Variants in SDK1 observed in about 807,000 individuals in gnomAD.
SDK1 encodes sidekick cell adhesion molecule 1.
In SDK1, 157 loss-of-function variants were observed where a neutral mutation model predicts 245.5. The observed-to-expected ratio is 0.64, with a 90% CI of 0.56 to 0.73. The LOEUF is 0.73. SDK1 is among the 30% of genes least tolerant of loss of function. The pLI is 0.00. For synonymous variants in SDK1, 1,647 were observed against 1,278.5 expected, an observed-to-expected ratio of 1.29 and a Z score of -6.15; for missense variants, 3,583 against 3,002.3, an observed-to-expected ratio of 1.19 and a Z score of -4.52.
intron 4 of SDK1, among the ~76,000 whole-genome samples, chr7:3,649,955 A>T (rs376178771): frequency 6.6e-6 from 1 of 151,914 alleles, no homozygotes; most frequent in South Asian, 2.1e-4. Flanking sequence ...CTGGGAAGGA[A>T]TCGATTTTAT....
intron 1 of SDK1, among the ~76,000 whole-genome samples, chr7:3,540,127 C>T (rs1329946497): frequency 1.3e-5 from 2 of 152,156 alleles, no homozygotes; most frequent in African/African-American, 4.8e-5. Flanking sequence ...AAGAGGGAGG[C>T]CGGGTGTGGT....
chr7:4,249,638 T>C (rs1302709428), intron 44 of SDK1, among the ~76,000 whole-genome samples: 1 of 152,148 alleles, frequency 6.6e-6, no homozygotes, highest in Non-Finnish European at 1.5e-5. Context: ...ACCTGGACCA[T>C]CCTGTGCTCC....
At chr7:3,336,577 G>C (rs1259767601) in intron 1 of SDK1, among the ~76,000 whole-genome samples, 2 of 152,170 alleles carry the variant, frequency 1.3e-5, no homozygotes, top group Non-Finnish European at 2.9e-5. Context: ...GAGGTATGGA[G>C]GAGCGGAGCA....
At chr7:3,961,240 A>G (rs995644305) in intron 8 of SDK1, among the ~76,000 whole-genome samples, 9 of 152,264 alleles carry the variant, frequency 5.9e-5, no homozygotes, top group Non-Finnish European at 1.0e-4. Flanking sequence ...TGTAACTGCT[A>G]TTATGAGATA....
chr7:3,707,362 A>C (rs1394086454), intron 4 of SDK1, among the ~76,000 whole-genome samples: 1 of 152,226 alleles, frequency 6.6e-6, no homozygotes, highest in African/African-American at 2.4e-5. Flanking sequence ...GTAGTTTTCA[A>C]GGTTCCTTTT....
In SDK1 at chr7:4,194,396, A is replaced by C. The variant is rs577737050; in HGVS notation, c.5099-11483A>C. ...TACATGTATGTGTATACATGTATAC[A>C]TATATGTATGCACATATGTGTATAC... is the stretch of plus-strand genomic sequence containing the variant. On this transcript the variant is annotated intron_variant, in intron 35 of 44. Coordinates refer to ENST00000404826, the MANE Select transcript of SDK1 (RefSeq NM_152744.4). Among the ~76,000 whole-genome samples, 3 of 110,814 alleles carry C rather than the reference A, an allele frequency of 2.7e-5. 1 individual carries two copies. The highest frequency in any genetic ancestry group is 4.0e-5 in the Non-Finnish European group (2 of 50,106). The allele number at this position is 110,814 out of a possible 152,430, so 72.7% of individuals were successfully genotyped here. A position where few individuals can be genotyped will look rare whatever the true frequency, so the allele number is the denominator to read the frequency against.
At chr7:3,402,274 T>A (rs182326870) in intron 1 of SDK1, among the ~76,000 whole-genome samples, 1 of 152,156 alleles carries the variant, frequency 6.6e-6, no homozygotes, top group African/African-American at 2.4e-5. Flanking sequence ...ATGAATGATA[T>A]CTGTTATAAA....
rs138736483 is a variant in SDK1, at chr7:4,093,914, C to T, written c.3324+14330C>T. On this transcript the variant is annotated intron_variant, in intron 22 of 44. Transcript: ENST00000404826. ...CACGTCCTTGGTCCAAAGCCTCTTGCGATACACCTCTCCCAGAGGTGAATC... is the reference window on the plus strand; with the variant it reads ...CACGTCCTTGGTCCAAAGCCTCTTGTGATACACCTCTCCCAGAGGTGAATC... Among the ~76,000 whole-genome samples the T allele has an allele frequency of 8.6e-3, 1,312 of 152,236 alleles. 23 individuals are homozygous for T. The highest frequency in any genetic ancestry group is 0.029 in the African/African-American group (1,209 of 41,552).
chr7:4,242,614 C>A (rs558123853), intron 43 of SDK1, among the ~76,000 whole-genome samples: 88 of 152,250 alleles, frequency 5.8e-4, no homozygotes, highest in Non-Finnish European at 1.1e-3. Flanking sequence ...CCTGAGGACG[C>A]TTCGTCTGGA....
At chr7:3,687,025 G>A (rs940647797) in intron 4 of SDK1, among the ~76,000 whole-genome samples, 2 of 144,130 alleles carry the variant, frequency 1.4e-5, no homozygotes, top group Non-Finnish European at 3.0e-5. Context: ...CTTCTAGCCA[G>A]AATCTCCAAA....
intron 1 of SDK1, among the ~76,000 whole-genome samples, chr7:3,421,368 G>A (rs1481598326): frequency 6.6e-6 from 1 of 152,074 alleles, no homozygotes; most frequent in Non-Finnish European, 1.5e-5. Flanking sequence ...AAGCCACCGA[G>A]CCTGGCCTGC....
chr7:3,660,055 T>G (rs1783305566), intron 4 of SDK1, among the ~76,000 whole-genome samples: 1 of 151,690 alleles, frequency 6.6e-6, no homozygotes, highest in Non-Finnish European at 1.5e-5. Context: ...AACACACGAG[T>G]CTTTAGCTTA....
chr7:3,382,717 C>T (rs545018064), intron 1 of SDK1, among the ~76,000 whole-genome samples: 6 of 151,982 alleles, frequency 3.9e-5, no homozygotes, highest in Non-Finnish European at 5.9e-5. Flanking sequence ...TTTGAGGAAA[C>T]GATTAGAAAT....
At chr7:3,794,745 A>T (rs1429617862) in intron 4 of SDK1, among the ~76,000 whole-genome samples, 1 of 152,184 alleles carries the variant, frequency 6.6e-6, no homozygotes, top group Non-Finnish European at 1.5e-5. Context: ...CTTTCTGTAT[A>T]GATCACCCAA....
chr7:4,175,632 G>T (rs1782152083), intron 33 of SDK1, 143 bp from the exon 34 acceptor site: 7 of 738,400 alleles, frequency 9.5e-6, no homozygotes, highest in Non-Finnish European at 1.5e-5. Flanking sequence ...CGGTAGCGGG[G>T]TCTTTATTGC....
intron 5 of SDK1, among the ~76,000 whole-genome samples, chr7:3,866,692 A>C (rs117489024): frequency 0.014 from 2,068 of 152,238 alleles, 31 homozygotes; most frequent in Middle Eastern, 0.031. Flanking sequence ...GAGACTGAGC[A>C]TTGATTGTGA....
At chr7:3,488,548 T>C (rs1233667578) in intron 1 of SDK1, among the ~76,000 whole-genome samples, 4 of 152,348 alleles carry the variant, frequency 2.6e-5, no homozygotes, top group African/African-American at 4.8e-5. Context: ...TGGCAACATA[T>C]GTCATCAAGT....
intron 1 of SDK1, among the ~76,000 whole-genome samples, chr7:3,402,018 G>C (rs1778901430): frequency 2.0e-5 from 3 of 152,142 alleles, no homozygotes; most frequent in Non-Finnish European, 4.4e-5. Flanking sequence ...TAGCTATTGT[G>C]GGAGATATAA....
At chr7:3,738,327 G>C (rs1015709749) in intron 4 of SDK1, among the ~76,000 whole-genome samples, 5 of 152,140 alleles carry the variant, frequency 3.3e-5, no homozygotes, top group African/African-American at 1.2e-4. Flanking sequence ...GAATGGTCTT[G>C]GCACCTTTGT....
Sources: gnomAD v4.1 joint callset for allele counts (sites outside exome capture counted in the v4.1 genomes callset) on GRCh38, gnomAD v4.1.1 for gene constraint, MANE v1.5 for transcripts, NCBI Gene and HGNC (gene_info 2026-07-23, HGNC 2026-07-21) for gene names.